Variants in UBE4B observed in about 807,000 individuals in gnomAD.
The protein encoded by UBE4B is ubiquitin conjugation factor E4 B.
Under a neutral mutation model 148.1 loss-of-function variants are expected in UBE4B, and 27 were observed. The observed-to-expected ratio is 0.18, with a 90% CI of 0.13 to 0.25. The LOEUF is 0.25. Ranked by LOEUF, UBE4B falls within the 10% of genes least tolerant of loss-of-function variation. The probability of loss-of-function intolerance (pLI) is 1.00; values close to 1 mark genes in which losing one functional copy is unlikely to be tolerated. For missense variants in UBE4B, 1,170 were observed against 1,662.4 expected (o/e 0.70, Z 5.15); for synonymous variants, 596 against 619.3 (o/e 0.96, Z 0.56).
chr1:10,105,164 C>T (rs1010210254), intron 5 of UBE4B, among the ~76,000 whole-genome samples: 5 of 152,166 alleles, frequency 3.3e-5, no homozygotes, highest in Admixed American at 2.6e-4. Context: ...CTTCTTTTTA[C>T]AATTAATATA....
At position 10,111,249 on chromosome 1, in the gene UBE4B, C is replaced by T. The variant is rs77958155; in HGVS notation, c.1196+4666C>T. Among the ~76,000 whole-genome samples, 540 of 152,200 alleles carry T rather than the reference C, an allele frequency of 3.5e-3. 23 individuals are homozygous for T. The East Asian group carries it at 0.083, about 24-fold the overall frequency. On this transcript the variant is annotated intron_variant, in intron 7 of 27. Transcript: ENST00000343090. ...ACACCACGCGCTACACACACACCCC[C>T]ACACCAAGCATACATGCACATACGT...
intron 14 of UBE4B, 84 bp downstream of exon 14, chr1:10,130,897 C>T (rs1645582180): frequency 5.0e-6 from 6 of 1,203,390 alleles, no homozygotes; most frequent in Admixed American, 2.0e-5. Flanking sequence ...CTGGACTATG[C>T]CCAGTAGACA....
intron 2 of UBE4B, among the ~76,000 whole-genome samples, chr1:10,076,246 T>G (rs770598489): frequency 3.4e-5 from 5 of 148,960 alleles, no homozygotes; most frequent in Non-Finnish European, 5.9e-5. Flanking sequence ...TTTCTTTCTT[T>G]CTTTTTTTTT....
In UBE4B at chr1:10,149,247, A is replaced by G. The variant is rs1645931973; in HGVS notation, c.2655A>G (p.Val885=). The G allele has an allele frequency of 1.2e-6, 2 of 1,611,448 alleles. No homozygotes were observed. The highest frequency in any genetic ancestry group is 1.7e-6 in the Non-Finnish European group (2 of 1,179,302). The change falls in exon 20 of 28, where the codon GTA becomes GTG. Residue 885 remains valine, a synonymous_variant. Transcript: ENST00000343090. ...KVFAALPEFY[V]EDVAEFLFFI... Reference sequence around the variant, plus strand: ...TTGCAGCGTTGCCTGAGTTTTATGTAGAAGATGTTGCAGAATTTTTATTTT... The same window carrying G: ...TTGCAGCGTTGCCTGAGTTTTATGTGGAAGATGTTGCAGAATTTTTATTTT...
At chr1:10,155,513 A>G (rs1334750660) in intron 21 of UBE4B, among the ~76,000 whole-genome samples, 2 of 152,162 alleles carry the variant, frequency 1.3e-5, no homozygotes, top group African/African-American at 4.8e-5. Context: ...TGGTCTTCCT[A>G]CAGCTACTAA....
chr1:10,054,486 T>C, intron 1 of UBE4B: 1 of 431,972 alleles, frequency 2.3e-6, no homozygotes, highest in Non-Finnish European at 4.5e-6. Context: ...CTCAGGCTTC[T>C]TCCCATTGGT....
chr1:10,087,483 C>G (rs943527717), intron 2 of UBE4B, among the ~76,000 whole-genome samples: 2 of 152,166 alleles, frequency 1.3e-5, no homozygotes, highest in Non-Finnish European at 2.9e-5. Flanking sequence ...CTCCATTGGT[C>G]TACAACAGTA....
chr1:10,147,441 C>T (rs1645893416), intron 19 of UBE4B, among the ~76,000 whole-genome samples: 1 of 151,998 alleles, frequency 6.6e-6, no homozygotes, highest in Admixed American at 6.6e-5. Flanking sequence ...TGCATTGAGC[C>T]GAGATCATGC....
intron 1 of UBE4B, chr1:10,059,610 T>C: frequency 5.0e-6 from 1 of 200,076 alleles, no homozygotes; most frequent in Non-Finnish European, 1.1e-5. Flanking sequence ...ACGAAGAGGC[T>C]GTGCATAAAG....
intron 1 of UBE4B, among the ~76,000 whole-genome samples, chr1:10,042,541 G>A (rs1053391320): frequency 1.3e-5 from 2 of 152,190 alleles, no homozygotes; most frequent in Non-Finnish European, 2.9e-5. Flanking sequence ...TAGCAACTCA[G>A]GAGGCTGAGG....
chr1:10,042,520 G>A lies in UBE4B; in HGVS notation c.24+8826G>A, dbSNP rs1327527619. On this transcript the variant is annotated intron_variant, in intron 1 of 27. Coordinates refer to ENST00000343090, the MANE Select transcript of UBE4B (RefSeq NM_001105562.3). ...AAATTAGCCGGGCGTGGTGGTGCAC[G>A]CCTGTAATCCTAGCAACTCAGGAGG... is the stretch of plus-strand genomic sequence containing the variant. Among the ~76,000 whole-genome samples the A allele has an allele frequency of 4.6e-5, 7 of 152,308 alleles. No homozygotes were observed. In the South Asian group the frequency reaches 1.0e-3, roughly 23 times the overall value.
rs60837845 is a variant in UBE4B, at chr1:10,147,228, C to T, written c.2591+138C>T. On this transcript the variant is annotated intron_variant, in intron 19 of 27. Coordinates refer to ENST00000343090, the MANE Select transcript of UBE4B (RefSeq NM_001105562.3). ...CTTCTCTGCAAGGCGCAGTGGTTCA[C>T]GCCTGTAATCCCAGCACTTTGGGGG... is the stretch of plus-strand genomic sequence containing the variant. 2,040 of 1,362,610 alleles carry T rather than the reference C, an allele frequency of 1.5e-3. 25 individuals are homozygous for T. The African/African-American group carries it at 0.025, about 17-fold the overall frequency. 84.4% of individuals were successfully genotyped at this position (1,362,610 alleles called of 1,614,324 possible).
chr1:10,094,556 C>T (rs1429591896), intron 2 of UBE4B, among the ~76,000 whole-genome samples: 2 of 151,836 alleles, frequency 1.3e-5, no homozygotes, highest in East Asian at 3.9e-4. Flanking sequence ...GCCTCAGCCT[C>T]CTGAGTAGCT....
chr1:10,037,129 G>A (rs1403136731), intron 1 of UBE4B, among the ~76,000 whole-genome samples: 2 of 152,144 alleles, frequency 1.3e-5, no homozygotes, highest in African/African-American at 4.8e-5. Context: ...CCGGGTTCAA[G>A]CGATTTTCCT....
At chr1:10,123,377 C>T (rs1437369921) in intron 10 of UBE4B, among the ~76,000 whole-genome samples, 1 of 145,292 alleles carries the variant, frequency 6.9e-6, no homozygotes, top group Admixed American at 7.0e-5. Flanking sequence ...TTGCAGTGAG[C>T]CGAGATTACA....
At chr1:10,074,704 T>A (rs1644548587) in intron 2 of UBE4B, among the ~76,000 whole-genome samples, 1 of 152,236 alleles carries the variant, frequency 6.6e-6, no homozygotes, top group African/African-American at 2.4e-5. Context: ...TCATGCATTC[T>A]CTGTATCTGT....
chr1:10,178,195 A>G (rs1455550486), intron 25 of UBE4B, among the ~76,000 whole-genome samples: 1 of 152,144 alleles, frequency 6.6e-6, no homozygotes. Context: ...TGTTTTTACC[A>G]TGCTTACCTT....
In UBE4B at chr1:10,168,525, C is replaced by T. The variant is rs1169258880; in HGVS notation, c.3333+255C>T. Among the ~76,000 whole-genome samples, 2 of 152,198 alleles carry T rather than the reference C, an allele frequency of 1.3e-5. No individual in the cohort carries two copies. On this transcript the variant is annotated intron_variant, in intron 24 of 27. Coordinates refer to ENST00000343090, the MANE Select transcript of UBE4B (RefSeq NM_001105562.3). This position sits in a 1 kb window ranked among gnomAD's most constrained non-coding sequence, Gnocchi z 4.9. ...TGCCTTACTGCACTTTGTGCTTAGA[C>T]AGTACATTGGATTATTCATGTTGAT... is the stretch of plus-strand genomic sequence containing the variant.
intron 2 of UBE4B, among the ~76,000 whole-genome samples, chr1:10,076,332 T>A (rs1430209186): frequency 6.6e-6 from 1 of 151,402 alleles, no homozygotes; most frequent in African/African-American, 2.4e-5. Flanking sequence ...GTAACCTTTG[T>A]CTCCTGGTTT....
Sources: allele counts gnomAD v4.1 joint callset (sites outside exome capture counted in the v4.1 genomes callset), GRCh38; gene constraint gnomAD v4.1.1; non-coding constraint Gnocchi (gnomAD v3.1); transcripts MANE v1.5; gene names NCBI Gene and HGNC (gene_info 2026-07-23, HGNC 2026-07-21).